The following GRID1 variants were observed in gnomAD, a reference collection of about 807,000 sequenced individuals.
GRID1 encodes glutamate ionotropic receptor delta type subunit 1.
In GRID1, 28 loss-of-function variants were observed where a neutral mutation model predicts 98.0. The observed-to-expected ratio is 0.29, with a 90% CI of 0.21 to 0.39. The LOEUF (loss-of-function observed/expected upper bound fraction) is 0.39. Ranked by LOEUF, GRID1 falls within the 10% of genes least tolerant of loss-of-function variation. GRID1 has a pLI of 1.00. For missense variants in GRID1, 1,111 were observed against 1,340.5 expected (o/e 0.83, Z 2.67); for synonymous variants, 553 against 538.5 (o/e 1.03, Z -0.37).
chr10:86,160,183 T>C (rs1481178088), intron 3 of GRID1, among the ~76,000 whole-genome samples: 2 of 152,174 alleles, frequency 1.3e-5, no homozygotes, highest in Non-Finnish European at 2.9e-5. Context: ...CACCCATAGA[T>C]GTGTATGCTA....
chr10:86,179,374 T>C (rs1262034472), intron 3 of GRID1, among the ~76,000 whole-genome samples: 1 of 152,098 alleles, frequency 6.6e-6, no homozygotes, highest in Non-Finnish European at 1.5e-5. Flanking sequence ...TTCAAATTTC[T>C]CTGAGGCTCT....
At chr10:85,839,805 C>T (rs533589083) in intron 8 of GRID1, among the ~76,000 whole-genome samples, 48 of 151,836 alleles carry the variant, frequency 3.2e-4, no homozygotes, top group African/African-American at 1.1e-3. Context: ...TTCAAAAGAT[C>T]AATGAATCCA....
intron 2 of GRID1, among the ~76,000 whole-genome samples, chr10:86,231,522 G>A (rs1048369916): frequency 6.6e-6 from 1 of 152,156 alleles, no homozygotes; most frequent in Admixed American, 6.5e-5. Context: ...TGGCCCTACT[G>A]TCAACCATTC....
intron 2 of GRID1, among the ~76,000 whole-genome samples, chr10:86,325,853 T>A (rs796084441): frequency 9.8e-5 from 15 of 152,370 alleles, no homozygotes; most frequent in African/African-American, 3.1e-4. Flanking sequence ...TAGAATGTTC[T>A]ACCACTAAAA....
intron 8 of GRID1, among the ~76,000 whole-genome samples, chr10:85,850,379 C>T (rs1843047164): frequency 6.6e-6 from 1 of 152,220 alleles, no homozygotes. Flanking sequence ...ATTACACCAA[C>T]ACCAAAACAG....
chr10:86,295,798 G>A (rs945735050), intron 2 of GRID1, among the ~76,000 whole-genome samples: 1 of 152,202 alleles, frequency 6.6e-6, no homozygotes, highest in African/African-American at 2.4e-5. Context: ...AGGTATGTGA[G>A]AGACAAAAGG....
chr10:86,063,874 G>C (rs1399218965), intron 4 of GRID1, among the ~76,000 whole-genome samples: 1 of 152,194 alleles, frequency 6.6e-6, no homozygotes, highest in Non-Finnish European at 1.5e-5. Context: ...TTCATGAACT[G>C]TCTGTAGCTA....
At chr10:85,774,157 C>T (rs1160266067) in intron 8 of GRID1, among the ~76,000 whole-genome samples, 1 of 152,178 alleles carries the variant, frequency 6.6e-6, no homozygotes, top group Non-Finnish European at 1.5e-5. Context: ...ACAGAGCCCT[C>T]AGAAATAACG....
intron 2 of GRID1, among the ~76,000 whole-genome samples, chr10:86,289,190 C>CA (rs1177940683): frequency 6.6e-6 from 1 of 152,142 alleles, no homozygotes; most frequent in African/African-American, 2.4e-5. Flanking sequence ...CCTCAACTCT[C>CA]AAACTGTCTA....
chr10:86,326,218 A>G (rs1354393606), intron 2 of GRID1, among the ~76,000 whole-genome samples: 1 of 152,254 alleles, frequency 6.6e-6, no homozygotes, highest in Admixed American at 6.5e-5. Context: ...CAACTTTACT[A>G]AAAGCATTAA....
chr10:85,820,693 G>T (rs72842907), intron 8 of GRID1, among the ~76,000 whole-genome samples: 1 of 151,972 alleles, frequency 6.6e-6, no homozygotes, highest in East Asian at 1.9e-4. Context: ...AATTATAAAA[G>T]CCACAACAAG....
At chr10:86,223,009 C>G (rs551433600) in intron 2 of GRID1, among the ~76,000 whole-genome samples, 56 of 152,312 alleles carry the variant, frequency 3.7e-4, no homozygotes, top group African/African-American at 1.3e-3. Flanking sequence ...CTATGAGCTC[C>G]TGCTGGCTGG....
At chr10:86,328,699 T>G (rs7903043) in intron 2 of GRID1, among the ~76,000 whole-genome samples, 11,113 of 152,130 alleles carry the variant, frequency 0.073, 805 homozygotes, top group African/African-American at 0.19. Context: ...TTATCTCACA[T>G]CCCCAGAAAT....
At chr10:85,924,580 C>T (rs1841749576) in intron 4 of GRID1, among the ~76,000 whole-genome samples, 1 of 152,166 alleles carries the variant, frequency 6.6e-6, no homozygotes, top group Non-Finnish European at 1.5e-5. Flanking sequence ...AAGTTCTGGA[C>T]TAGTTTGGTC....
chr10:86,023,550 C>A (rs1245461210), intron 4 of GRID1, among the ~76,000 whole-genome samples: 1 of 152,152 alleles, frequency 6.6e-6, no homozygotes, highest in East Asian at 1.9e-4. Flanking sequence ...CCTGTCCAGA[C>A]CCCTCTCTTG....
intron 4 of GRID1, among the ~76,000 whole-genome samples, chr10:85,954,145 G>A (rs1378153295): frequency 6.6e-6 from 1 of 152,140 alleles, no homozygotes; most frequent in African/African-American, 2.4e-5. Context: ...GTGGAAAGAA[G>A]GGGAGCCAGT....
chr10:86,264,992 C>A (rs980980147), intron 2 of GRID1, among the ~76,000 whole-genome samples: 1 of 152,242 alleles, frequency 6.6e-6, no homozygotes, highest in Non-Finnish European at 1.5e-5. Flanking sequence ...TGCACTTGCC[C>A]AGCCTTTTCC....
At chr10:86,238,636 C>T (rs1490426360) in intron 2 of GRID1, among the ~76,000 whole-genome samples, 1 of 147,690 alleles carries the variant, frequency 6.8e-6, no homozygotes, top group Non-Finnish European at 1.5e-5. Context: ...CACCACTGCA[C>T]TCCAGCCTGG....
At chr10:86,133,962 T>G (rs1248115793) in intron 4 of GRID1, among the ~76,000 whole-genome samples, 2 of 152,052 alleles carry the variant, frequency 1.3e-5, no homozygotes, top group Non-Finnish European at 2.9e-5. Flanking sequence ...CTCTTTCCAG[T>G]GGAACAAAAG....
Sources: allele counts gnomAD v4.1 joint callset (sites outside exome capture counted in the v4.1 genomes callset), GRCh38; gene constraint gnomAD v4.1.1; transcripts MANE v1.5; gene names NCBI Gene and HGNC (gene_info 2026-07-23, HGNC 2026-07-21).